PCDH7: variants seen among roughly 807,000 people sequenced by gnomAD.
PCDH7 encodes the protein protocadherin-7.
Under a neutral mutation model 58.9 loss-of-function variants are expected in PCDH7, and 17 were observed. The observed-to-expected ratio is 0.29, with a 90% CI of 0.20 to 0.43. The LOEUF (loss-of-function observed/expected upper bound fraction) is 0.43. PCDH7 is among the 20% of genes least tolerant of loss of function. The pLI, the probability that PCDH7 is intolerant of heterozygous loss-of-function variation, is 1.00. For missense variants in PCDH7, 1,274 were observed against 1,441.0 expected, an observed-to-expected ratio of 0.88 and a Z score of 1.88; for synonymous variants, 664 against 616.4, an observed-to-expected ratio of 1.08 and a Z score of -1.14.
intron 1 of PCDH7, among the ~76,000 whole-genome samples, chr4:30,835,387 T>A (rs1339458864): frequency 6.6e-6 from 1 of 152,142 alleles, no homozygotes; most frequent in African/African-American, 2.4e-5. Context: ...GAACTGCTCA[T>A]GTGAAGGATC....
intron 1 of PCDH7, among the ~76,000 whole-genome samples, chr4:30,905,093 C>A (rs1487904379): frequency 1.3e-5 from 2 of 152,152 alleles, no homozygotes; most frequent in African/African-American, 4.8e-5. Flanking sequence ...AATGGAGCAT[C>A]TGTTTGAGTG....
intron 3 of PCDH7, among the ~76,000 whole-genome samples, chr4:31,026,750 G>A (rs190674409): frequency 3.1e-4 from 47 of 150,790 alleles, no homozygotes; most frequent in Admixed American, 6.6e-4. Flanking sequence ...GCTTTCCTTT[G>A]GGGGGAAAAA....
chr4:30,873,483 A>G (rs1001983564), intron 1 of PCDH7, among the ~76,000 whole-genome samples: 5 of 152,006 alleles, frequency 3.3e-5, no homozygotes, highest in South Asian at 2.1e-4. Flanking sequence ...TTTGAGATCT[A>G]TATACAAATT....
intron 1 of PCDH7, among the ~76,000 whole-genome samples, chr4:30,825,606 T>C (rs1308133959): frequency 6.6e-6 from 1 of 152,176 alleles, no homozygotes; most frequent in South Asian, 2.1e-4. Context: ...ATTACTGTGA[T>C]GGTGGTCCTA....
chr4:31,125,636 A>C (rs2109329627), intron 3 of PCDH7, among the ~76,000 whole-genome samples: 1 of 152,314 alleles, frequency 6.6e-6, no homozygotes, highest in African/African-American at 2.4e-5. Context: ...TCAGTACAAT[A>C]ATCTCTCGTG....
intron 3 of PCDH7, among the ~76,000 whole-genome samples, chr4:31,079,647 G>T (rs908981386): frequency 6.6e-6 from 1 of 151,610 alleles, no homozygotes; most frequent in Non-Finnish European, 1.5e-5. Flanking sequence ...GCAATAGCTG[G>T]TAAAGTTCTA....
intron 3 of PCDH7, among the ~76,000 whole-genome samples, chr4:31,023,493 T>C (rs919177574): frequency 6.6e-6 from 1 of 152,208 alleles, no homozygotes; most frequent in African/African-American, 2.4e-5. Flanking sequence ...ACATTTCTTT[T>C]TTTAAACCTA....
At chr4:30,828,451 T>C (rs1729363199) in intron 1 of PCDH7, among the ~76,000 whole-genome samples, 1 of 152,038 alleles carries the variant, frequency 6.6e-6, no homozygotes, top group Non-Finnish European at 1.5e-5. Flanking sequence ...ATTCACATTT[T>C]TGTGGCTTAA....
At chr4:30,749,021 T>C (rs1301653000) in intron 1 of PCDH7, among the ~76,000 whole-genome samples, 1 of 152,236 alleles carries the variant, frequency 6.6e-6, no homozygotes, top group East Asian at 1.9e-4. Flanking sequence ...ATTATTATAC[T>C]AGTACTTATC....
intron 3 of PCDH7, among the ~76,000 whole-genome samples, chr4:31,112,756 T>A (rs771569812): frequency 3.4e-4 from 52 of 152,318 alleles, no homozygotes; most frequent in Non-Finnish European, 3.2e-4. Flanking sequence ...TGGTATATTA[T>A]CTTGAAATAA....
intron 3 of PCDH7, among the ~76,000 whole-genome samples, chr4:31,036,521 C>A (rs1228659829): frequency 2.6e-5 from 4 of 152,044 alleles, no homozygotes. Flanking sequence ...AATGGAAGAT[C>A]CTATCCCCAA....
chr4:30,787,479 T>C (rs1358084424), intron 1 of PCDH7, among the ~76,000 whole-genome samples: 1 of 152,074 alleles, frequency 6.6e-6, no homozygotes, highest in Non-Finnish European at 1.5e-5. Flanking sequence ...CTTATGACGG[T>C]GTAAAAGCAG....
At chr4:30,879,009 T>C (rs187530022) in intron 1 of PCDH7, among the ~76,000 whole-genome samples, 20 of 152,220 alleles carry the variant, frequency 1.3e-4, no homozygotes, top group Admixed American at 1.2e-3. Flanking sequence ...TCCAAGTATA[T>C]CCTCTAATAG....
rs530040471 is a variant in PCDH7, at chr4:30,968,359, CTA to C, written c.*7+18153_*7+18154del. Among the ~76,000 whole-genome samples, 126 of 82,228 alleles carry C rather than the reference CTA, an allele frequency of 1.5e-3. 3 individuals are homozygous for C. The highest frequency in any genetic ancestry group is 7.9e-3 in the African/African-American group (117 of 14,852). 53.9% of individuals were successfully genotyped at this position (82,228 alleles called of 152,430 possible). A position where few individuals can be genotyped will look rare whatever the true frequency, so the allele number is the denominator to read the frequency against. ...CACACACTATATATATATACACACA[CTA>C]TATATATACACACACTATATATATA... On this transcript the variant is annotated intron_variant, in intron 3 of 3. Transcript: ENST00000509759.
At chr4:30,834,709 C>T (rs146443761) in intron 1 of PCDH7, among the ~76,000 whole-genome samples, 1,945 of 150,082 alleles carry the variant, frequency 0.013, 15 homozygotes, top group Middle Eastern at 0.028. Flanking sequence ...TTTGTGTAAA[C>T]AAGCAAAAAT....
chr4:31,087,908 C>T (rs1156509746), intron 3 of PCDH7, among the ~76,000 whole-genome samples: 1 of 151,980 alleles, frequency 6.6e-6, no homozygotes, highest in African/African-American at 2.4e-5. Flanking sequence ...AATGATCATA[C>T]AATAAAAGCA....
downstream of PCDH7, chr4:31,143,051 A>T (rs1578912208): frequency 7.1e-6 from 2 of 281,922 alleles, no homozygotes; most frequent in East Asian, 1.9e-4. Flanking sequence ...CATCCTTGTT[A>T]CTTGCATGTC....
chr4:30,729,984 C>T (rs1715250251), intron 1 of PCDH7, among the ~76,000 whole-genome samples: 1 of 151,780 alleles, frequency 6.6e-6, no homozygotes, highest in African/African-American at 2.4e-5. Context: ...ATTTTAAAAA[C>T]TAAATATAGT....
chr4:31,055,424 A>G (rs913343934), intron 3 of PCDH7, among the ~76,000 whole-genome samples: 4 of 152,142 alleles, frequency 2.6e-5, no homozygotes, highest in Non-Finnish European at 5.9e-5. Context: ...CTTTGGTAGT[A>G]ATAGGTTTTT....
Sources: allele counts gnomAD v4.1 joint callset (sites outside exome capture counted in the v4.1 genomes callset), GRCh38; gene constraint gnomAD v4.1.1; transcripts MANE v1.5; gene names NCBI Gene and HGNC (gene_info 2026-07-23, HGNC 2026-07-21).